The following DYRK1A variants were observed in gnomAD, a reference collection of about 807,000 sequenced individuals.
DYRK1A encodes dual specificity tyrosine phosphorylation regulated kinase 1A.
In DYRK1A, 9 loss-of-function variants were observed where a neutral mutation model predicts 79.7. The ratio of observed to expected loss-of-function variants is 0.11; its 90% CI spans 0.07 to 0.20. The LOEUF is 0.20. DYRK1A is among the 10% of genes least tolerant of loss of function. The pLI is 1.00. For synonymous variants in DYRK1A, 349 were observed against 329.7 expected (o/e 1.06, Z -0.63); for missense variants, 622 against 956.0 (o/e 0.65, Z 4.61).
chr21:37,377,465 C>CA (rs973545490), intron 1 of DYRK1A, among the ~76,000 whole-genome samples: 28 of 152,086 alleles, frequency 1.8e-4, no homozygotes, highest in African/African-American at 5.5e-4. Flanking sequence ...TGTCAGCTCA[C>CA]AGAGCTCCCA....
At chr21:37,380,376 C>T (rs1041281503) in intron 1 of DYRK1A, among the ~76,000 whole-genome samples, 1 of 151,764 alleles carries the variant, frequency 6.6e-6, no homozygotes, top group Non-Finnish European at 1.5e-5. Flanking sequence ...TATAGGATCT[C>T]ATTGAGTATT....
intron 2 of DYRK1A, among the ~76,000 whole-genome samples, chr21:37,446,787 T>C (rs144394847): frequency 6.2e-4 from 95 of 152,306 alleles, no homozygotes; most frequent in African/African-American, 1.9e-3. Context: ...TCATATTGTT[T>C]ACTGAATGCC....
At position 37,517,854 on chromosome 21, in the gene DYRK1A, A is replaced by T. The variant is rs1451596580; in HGVS notation, c.*5323A>T. 2.0e-5 allele frequency: 3 copies of T among 152,172 alleles called. No individual in the cohort carries two copies. Among genetic ancestry groups the T allele is most frequent in the African/African-American group, 7.2e-5 (3 of 41,434 alleles). The allele number at this position is 152,172 out of a possible 1,614,324, so 9.4% of individuals were successfully genotyped here. A position where few individuals can be genotyped will look rare whatever the true frequency, so the allele number is the denominator to read the frequency against. On this transcript the variant is annotated 3_prime_UTR_variant, in exon 12 of 12. Coordinates refer to ENST00000647188, the MANE Select transcript of DYRK1A (RefSeq NM_001347721.2). ...GTTAACTCCCTCTGAAATGAAAGAA[A>T]ATACCTCTAGTGGCATGAAACGGCT...
At chr21:37,373,566 G>T (rs2049476261) in intron 1 of DYRK1A, among the ~76,000 whole-genome samples, 1 of 152,164 alleles carries the variant, frequency 6.6e-6, no homozygotes, top group African/African-American at 2.4e-5. Context: ...AGGGAGCTTG[G>T]TTCCTTCTGT....
At chr21:37,414,680 C>T (rs572223888) in intron 1 of DYRK1A, among the ~76,000 whole-genome samples, 18 of 152,210 alleles carry the variant, frequency 1.2e-4, no homozygotes, top group African/African-American at 3.4e-4. Flanking sequence ...CCTAGGTCTG[C>T]ATGTGATAGG....
chr21:37,368,734 C>T (rs2049369363), intron 1 of DYRK1A, among the ~76,000 whole-genome samples: 1 of 152,126 alleles, frequency 6.6e-6, no homozygotes, highest in Non-Finnish European at 1.5e-5. Flanking sequence ...GGTCATACAG[C>T]TGGGACTCCA....
intron 2 of DYRK1A, among the ~76,000 whole-genome samples, chr21:37,450,705 G>C (rs775924118): frequency 6.6e-6 from 1 of 152,160 alleles, no homozygotes; most frequent in Non-Finnish European, 1.5e-5. Flanking sequence ...TGTTGGAGTA[G>C]GGGATTCAGG....
At chr21:37,431,717 C>T (rs2050780461) in intron 2 of DYRK1A, among the ~76,000 whole-genome samples, 1 of 152,126 alleles carries the variant, frequency 6.6e-6, no homozygotes, top group African/African-American at 2.4e-5. Context: ...CAGCTATACC[C>T]CCTAAACTTA....
chr21:37,478,401 T>C (rs2052479218), intron 4 of DYRK1A, 101 bp downstream of exon 4: 1 of 898,594 alleles, frequency 1.1e-6, no homozygotes, highest in East Asian at 2.7e-5. Context: ...TCCTAGTAGT[T>C]GTCATATTGA....
At chr21:37,477,688 T>C (rs2052449704) in intron 3 of DYRK1A, among the ~76,000 whole-genome samples, 1 of 152,112 alleles carries the variant, frequency 6.6e-6, no homozygotes, top group Non-Finnish European at 1.5e-5. Context: ...TTTCTTCTTA[T>C]TAGGAGCAGT....
chr21:37,447,274 G>C (rs2051303827), intron 2 of DYRK1A, among the ~76,000 whole-genome samples: 1 of 151,706 alleles, frequency 6.6e-6, no homozygotes, highest in Non-Finnish European at 1.5e-5. Context: ...TTATAGTTGG[G>C]GGGAAAGTGA....
chr21:37,444,859 C>A lies in DYRK1A; in HGVS notation c.10+24475C>A, dbSNP rs73408685. On this transcript the variant is annotated intron_variant, in intron 2 of 11. Coordinates refer to ENST00000647188, the MANE Select transcript of DYRK1A (RefSeq NM_001347721.2). ...GGTATAAAGGGAGAGAGAGCACCAG[C>A]AGTTAGTTGGGTGAAGGGGCTGACA... Among the ~76,000 whole-genome samples, 1,322 of 152,216 alleles carry A rather than the reference C, an allele frequency of 8.7e-3. 20 individuals are homozygous for A. The highest frequency in any genetic ancestry group is 0.029 in the African/African-American group (1,217 of 41,508).
intron 2 of DYRK1A, among the ~76,000 whole-genome samples, chr21:37,431,852 C>G (rs1206416964): frequency 6.6e-6 from 1 of 152,166 alleles, no homozygotes; most frequent in African/African-American, 2.4e-5. Context: ...AAGTACAGTA[C>G]AAAAACCAGT....
At position 37,518,766 on chromosome 21, in the gene DYRK1A, C is replaced by G. The variant is rs1030088582; in HGVS notation, c.*6235C>G. The G allele has an allele frequency of 9.2e-5, 14 of 152,008 alleles. No individual in the cohort carries two copies. Among genetic ancestry groups the G allele is most frequent in the African/African-American group, 3.4e-4 (14 of 41,442 alleles). 9.4% of individuals were successfully genotyped at this position (152,008 alleles called of 1,614,324 possible). On this transcript the variant is annotated 3_prime_UTR_variant, in exon 12 of 12. Transcript: ENST00000647188. Reference sequence around the variant, plus strand: ...AAGTAGCTGGGATTACAGGTGCACACCACCACACCCAGCTAATAGTATTTT... The same window carrying G: ...AAGTAGCTGGGATTACAGGTGCACAGCACCACACCCAGCTAATAGTATTTT...
intron 2 of DYRK1A, among the ~76,000 whole-genome samples, chr21:37,425,949 G>A (rs747126007): frequency 1.0e-3 from 154 of 152,330 alleles, no homozygotes; most frequent in Non-Finnish European, 1.8e-3. Flanking sequence ...TTTGAGAAGA[G>A]CAGCTGGAAC....
chr21:37,406,012 T>G (rs756355482), intron 1 of DYRK1A, among the ~76,000 whole-genome samples: 24 of 152,160 alleles, frequency 1.6e-4, no homozygotes, highest in Non-Finnish European at 2.2e-4. Flanking sequence ...GTATGGTCAT[T>G]CCTCTTTTTT....
chr21:37,477,521 G>A (rs1320033999), intron 3 of DYRK1A, among the ~76,000 whole-genome samples: 6 of 152,162 alleles, frequency 3.9e-5, no homozygotes, highest in Non-Finnish European at 5.9e-5. Context: ...CTGTGGAAAC[G>A]GTCTAGCAGG....
intron 1 of DYRK1A, among the ~76,000 whole-genome samples, chr21:37,386,757 G>C (rs542954023): frequency 6.6e-6 from 1 of 152,040 alleles, no homozygotes; most frequent in Non-Finnish European, 1.5e-5. Flanking sequence ...AGGGCCCCAG[G>C]TTTTCTCATT....
intron 2 of DYRK1A, among the ~76,000 whole-genome samples, chr21:37,460,351 T>A (rs2051799387): frequency 6.6e-6 from 1 of 152,192 alleles, no homozygotes; most frequent in African/African-American, 2.4e-5. Context: ...CTTCTGCTGT[T>A]TTAAGCCATG....
Sources: gnomAD v4.1 joint callset for allele counts (sites outside exome capture counted in the v4.1 genomes callset) on GRCh38, gnomAD v4.1.1 for gene constraint, MANE v1.5 for transcripts, NCBI Gene and HGNC (gene_info 2026-07-23, HGNC 2026-07-21) for gene names.